Variants in TNFRSF19 observed in about 807,000 individuals in gnomAD.
The protein encoded by TNFRSF19 is tumor necrosis factor receptor superfamily member 19.
TNFRSF19 carries 27 observed loss-of-function variants against 46.4 expected under a neutral mutation model. The observed-to-expected ratio is 0.58, with a 90% CI of 0.43 to 0.80. The LOEUF is 0.80. TNFRSF19 is among the 30% of genes least tolerant of loss of function. TNFRSF19 has a pLI of 0.00. For synonymous variants in TNFRSF19, 204 were observed against 205.0 expected (o/e 1.00, Z 0.04); for missense variants, 511 against 530.8 (o/e 0.96, Z 0.37).
Position 23,669,299 on chromosome 13 carries a change from G to A in TNFRSF19, c.1245+202G>A, listed in dbSNP as rs1039303347. 4 of 1,392,680 alleles carry A rather than the reference G, an allele frequency of 2.9e-6. No individual in the cohort carries two copies. The African/African-American group carries it at 5.8e-5, about 20-fold the overall frequency. 86.3% of individuals were successfully genotyped at this position (1,392,680 alleles called of 1,614,324 possible). On this transcript the variant is annotated intron_variant, in intron 9 of 9. Transcript: ENST00000248484. ...AACACAGCTAATATATAAGAGCAAA[G>A]TGGACAGCTGCATTCTTTTATTCCT...
intron 1 of TNFRSF19, among the ~76,000 whole-genome samples, chr13:23,586,932 T>A (rs1223944820): frequency 6.6e-6 from 1 of 152,034 alleles, no homozygotes; most frequent in South Asian, 2.1e-4. Context: ...AGTGCTTATG[T>A]GGAGGACATG....
intron 1 of TNFRSF19, chr13:23,579,567 G>C (rs1878241790): frequency 6.6e-6 from 1 of 152,182 alleles, no homozygotes; most frequent in African/African-American, 2.4e-5. Flanking sequence ...GGCGTCCCGC[G>C]AGGTCTTCAG....
intron 4 of TNFRSF19, among the ~76,000 whole-genome samples, chr13:23,618,749 C>T (rs2138266241): frequency 6.6e-6 from 1 of 152,330 alleles, no homozygotes; most frequent in South Asian, 2.1e-4. Flanking sequence ...AGCCAAAAAA[C>T]TGAAACAACC....
chr13:23,660,323 A>G, intron 6 of TNFRSF19, 42 bp from the exon 7 acceptor site: 2 of 1,589,354 alleles, frequency 1.3e-6, no homozygotes, highest in Non-Finnish European at 1.7e-6. Flanking sequence ...TCCACTAGAG[A>G]GGAGACTGTG....
chr13:23,571,554 C>A (rs1297089474), intron 1 of TNFRSF19, among the ~76,000 whole-genome samples: 3 of 152,142 alleles, frequency 2.0e-5, no homozygotes, highest in Non-Finnish European at 4.4e-5. Context: ...GGTTAATATT[C>A]CTAAATTAAC....
rs919440617 is a variant in TNFRSF19 at position 23,588,054 on chromosome 13, A to G, written c.-34-2096A>G. 4.6e-5 allele frequency among the ~76,000 whole-genome samples: 7 copies of G among 152,248 alleles called. No homozygotes were observed. The South Asian group carries it at 8.3e-4, about 18-fold the overall frequency. On this transcript the variant is annotated intron_variant, in intron 1 of 9. Coordinates refer to ENST00000248484, the MANE Select transcript of TNFRSF19 (RefSeq NM_148957.4). The stretch of plus-strand genomic sequence containing the variant: ...TAATAATGTCATTAACATGAAGGAC[A>G]ATAGTAGTTGCTAACAATTCTATAG...
intron 4 of TNFRSF19, among the ~76,000 whole-genome samples, 198 bp downstream of exon 4, chr13:23,616,243 A>G (rs796600084): frequency 6.6e-6 from 1 of 152,206 alleles, no homozygotes; most frequent in South Asian, 2.1e-4. Context: ...GACACTGGCT[A>G]TAAAGAAAAT....
chr13:23,612,301 G>T (rs1227203856), intron 3 of TNFRSF19, among the ~76,000 whole-genome samples: 1 of 152,080 alleles, frequency 6.6e-6, no homozygotes, highest in East Asian at 1.9e-4. Context: ...AGATTTCAAG[G>T]CATTTTAACC....
chr13:23,607,982 T>C (rs1475719081), intron 3 of TNFRSF19, among the ~76,000 whole-genome samples: 3 of 152,178 alleles, frequency 2.0e-5, no homozygotes, highest in Non-Finnish European at 2.9e-5. Context: ...ATCTCTTCCA[T>C]TGTTAGTTAG....
chr13:23,648,464 T>C (rs868190764), intron 5 of TNFRSF19, among the ~76,000 whole-genome samples: 1 of 152,236 alleles, frequency 6.6e-6, no homozygotes, highest in Non-Finnish European at 1.5e-5. Context: ...TGAATTAATT[T>C]ATTAGTTCTA....
chr13:23,575,291 CTCTG>C (rs1212764116), intron 1 of TNFRSF19, among the ~76,000 whole-genome samples: 1 of 152,236 alleles, frequency 6.6e-6, no homozygotes, highest in Admixed American at 6.5e-5. Flanking sequence ...AACAACTTTG[CTCTG>C]TAAGTGTCTT....
chr13:23,660,317 C>A, intron 6 of TNFRSF19, 48 bp from the exon 7 acceptor site: 1 of 1,581,274 alleles, frequency 6.3e-7, no homozygotes. Flanking sequence ...CACAGGTCCA[C>A]TAGAGAGGAG....
At position 23,668,558 on chromosome 13, in the gene TNFRSF19, T is replaced by C. The variant is rs960591369; in HGVS notation, c.840-134T>C. 2.8e-6 allele frequency: 3 copies of C among 1,063,496 alleles called. No homozygotes were observed. The African/African-American group carries it at 4.8e-5, about 17-fold the overall frequency. The allele number at this position is 1,063,496 out of a possible 1,614,324, so 65.9% of individuals were successfully genotyped here. A position where few individuals can be genotyped will look rare whatever the true frequency, so the allele number is the denominator to read the frequency against. ...TTGTATTGAGATGAGTTTATAACAA[T>C]AGGAAACACTAGAATTCTGATGCAG... On this transcript the variant is annotated intron_variant, in intron 8 of 9. Coordinates refer to ENST00000248484, the MANE Select transcript of TNFRSF19 (RefSeq NM_148957.4).
chr13:23,590,692 T>C (rs908682786), intron 2 of TNFRSF19, among the ~76,000 whole-genome samples: 2 of 152,278 alleles, frequency 1.3e-5, no homozygotes, highest in Non-Finnish European at 2.9e-5. Context: ...CAAATGGCAT[T>C]TTATTATTTT....
intron 5 of TNFRSF19, among the ~76,000 whole-genome samples, chr13:23,657,334 TG>T (rs1412247797): frequency 6.6e-6 from 1 of 152,172 alleles, no homozygotes; most frequent in Non-Finnish European, 1.5e-5. Flanking sequence ...ACGATCTTAT[TG>T]GGAGTGAGGG....
At chr13:23,626,627 G>A in intron 4 of TNFRSF19, 80 bp from the exon 5 acceptor site, 1 of 1,350,450 alleles carries the variant, frequency 7.4e-7, no homozygotes, top group South Asian at 1.2e-5. Flanking sequence ...AACTGGTAAT[G>A]GAGACTGCTG....
chr13:23,649,344 T>C (rs1178368447), intron 5 of TNFRSF19, among the ~76,000 whole-genome samples: 1 of 152,202 alleles, frequency 6.6e-6, no homozygotes, highest in Admixed American at 6.5e-5. Context: ...TTGTCCAATT[T>C]GTTGGCATAT....
At chr13:23,646,233 G>GC (rs1326037367) in intron 5 of TNFRSF19, among the ~76,000 whole-genome samples, 2 of 151,982 alleles carry the variant, frequency 1.3e-5, no homozygotes, top group African/African-American at 2.4e-5. Context: ...CCACCCTGAA[G>GC]CCCCCCCAAT....
At chr13:23,609,603 A>G (rs1880757278) in intron 3 of TNFRSF19, among the ~76,000 whole-genome samples, 1 of 152,228 alleles carries the variant, frequency 6.6e-6, no homozygotes, top group African/African-American at 2.4e-5. Flanking sequence ...TCTCTGGCAC[A>G]GTTTTCAAAG....
Sources: allele counts gnomAD v4.1 joint callset (sites outside exome capture counted in the v4.1 genomes callset), GRCh38; gene constraint gnomAD v4.1.1; transcripts MANE v1.5; gene names NCBI Gene and HGNC (gene_info 2026-07-23, HGNC 2026-07-21).